The following PLXDC2 variants were observed in gnomAD, a reference collection of about 807,000 sequenced individuals.
PLXDC2 encodes plexin domain containing 2, also known as plexin domain-containing protein 2.
Under a neutral mutation model 68.9 loss-of-function variants are expected in PLXDC2, and 40 were observed. The observed-to-expected ratio is 0.58, with a 90% CI of 0.45 to 0.76. PLXDC2 has a LOEUF of 0.76. PLXDC2 is among the 30% of genes least tolerant of loss of function. The pLI, the probability that PLXDC2 is intolerant of heterozygous loss-of-function variation, is 0.00. For synonymous variants in PLXDC2, 243 were observed against 234.2 expected (o/e 1.04, Z -0.34); for missense variants, 644 against 661.9 (o/e 0.97, Z 0.30).
chr10:19,954,938 A>C (rs1834044235), intron 1 of PLXDC2, among the ~76,000 whole-genome samples: 1 of 152,098 alleles, frequency 6.6e-6, no homozygotes, highest in Admixed American at 6.6e-5. Context: ...CCCTTTTCCT[A>C]AAGCAAATGG....
At chr10:20,202,684 A>G (rs1293882955) in intron 9 of PLXDC2, among the ~76,000 whole-genome samples, 1 of 152,188 alleles carries the variant, frequency 6.6e-6, no homozygotes, top group African/African-American at 2.4e-5. Context: ...TTGCGAGCAA[A>G]TCAGTCAAGT....
chr10:19,919,858 C>T (rs987935467), intron 1 of PLXDC2, among the ~76,000 whole-genome samples: 5 of 152,092 alleles, frequency 3.3e-5, no homozygotes, highest in Non-Finnish European at 7.4e-5. Context: ...AAATGCTAGG[C>T]GAACACTAGG....
In PLXDC2 at chr10:20,054,713, T is replaced by G. The variant is rs567364232; in HGVS notation, c.471+7698T>G. Reference sequence around the variant, plus strand: ...CACCGGGGCCTATTGTGAGGTGGGGTGAGGGGGGAGGGATAGCATTAGGAG... The same window carrying G: ...CACCGGGGCCTATTGTGAGGTGGGGGGAGGGGGGAGGGATAGCATTAGGAG... On this transcript the variant is annotated intron_variant, in intron 3 of 13. Coordinates refer to ENST00000377252, the MANE Select transcript of PLXDC2 (RefSeq NM_032812.9). Among the ~76,000 whole-genome samples the G allele has an allele frequency of 5.3e-5, 8 of 151,240 alleles. No individual in the cohort carries two copies. In the South Asian group the frequency reaches 1.3e-3, roughly 24 times the overall value.
intron 4 of PLXDC2, among the ~76,000 whole-genome samples, chr10:20,125,258 TCTTGA>T (rs1833756770): frequency 6.6e-6 from 1 of 152,074 alleles, no homozygotes. Context: ...GTTGTGGAGA[TCTTGA>T]CTTAACTTAC....
intron 2 of PLXDC2, among the ~76,000 whole-genome samples, chr10:20,044,261 CTTT>C (rs1835754610): frequency 3.5e-5 from 4 of 113,732 alleles, no homozygotes; most frequent in African/African-American, 7.8e-5. Flanking sequence ...TTCTTTCTTT[CTTT>C]CTTTCTTTCT....
intron 1 of PLXDC2, among the ~76,000 whole-genome samples, chr10:19,841,139 A>G (rs1384650627): frequency 1.3e-5 from 2 of 152,164 alleles, no homozygotes; most frequent in African/African-American, 4.8e-5. Context: ...CAAATCTTAC[A>G]TCGTTTTCAA....
At chr10:20,160,745 A>T (rs911063108) in intron 6 of PLXDC2, among the ~76,000 whole-genome samples, 4 of 152,196 alleles carry the variant, frequency 2.6e-5, no homozygotes. Context: ...AAGAGACAGA[A>T]GAATGAAAAA....
intron 1 of PLXDC2, among the ~76,000 whole-genome samples, chr10:19,905,499 A>C (rs1413130168): frequency 6.6e-6 from 1 of 152,214 alleles, no homozygotes; most frequent in Non-Finnish European, 1.5e-5. Context: ...AGGCATTCTG[A>C]GTAAGTGATC....
chr10:19,876,707 A>G (rs1018930441), intron 1 of PLXDC2, among the ~76,000 whole-genome samples: 2 of 151,702 alleles, frequency 1.3e-5, no homozygotes, highest in African/African-American at 4.8e-5. Context: ...GTCTAGTGAT[A>G]GGAACTCTGT....
chr10:20,034,763 G>A (rs190288221), intron 2 of PLXDC2, among the ~76,000 whole-genome samples: 26 of 152,230 alleles, frequency 1.7e-4, no homozygotes, highest in Admixed American at 3.9e-4. Context: ...TATTTTTACC[G>A]TAACTTTTCT....
intron 1 of PLXDC2, among the ~76,000 whole-genome samples, chr10:19,965,282 A>T (rs1165854128): frequency 1.3e-5 from 2 of 152,154 alleles, no homozygotes; most frequent in Non-Finnish European, 2.9e-5. Context: ...GTTTCAAGGC[A>T]GACTGCAAAC....
intron 1 of PLXDC2, among the ~76,000 whole-genome samples, chr10:19,867,354 C>A (rs554683358): frequency 3.3e-5 from 5 of 152,198 alleles, no homozygotes; most frequent in African/African-American, 1.2e-4. Context: ...CATAAGCCAC[C>A]ACTCCTGGCC....
intron 1 of PLXDC2, among the ~76,000 whole-genome samples, chr10:19,838,165 G>T (rs1273260803): frequency 6.6e-6 from 1 of 151,966 alleles, no homozygotes; most frequent in Non-Finnish European, 1.5e-5. Context: ...GTCTTGCTAT[G>T]TTGCCCAGGC....
At chr10:20,140,173 G>A (rs1313693186) in intron 4 of PLXDC2, among the ~76,000 whole-genome samples, 5 of 151,888 alleles carry the variant, frequency 3.3e-5, no homozygotes, top group Admixed American at 2.0e-4. Flanking sequence ...GGTGGAGGGC[G>A]CCTGTAGTCT....
chr10:20,143,736 A>C (rs1834037007), intron 5 of PLXDC2, among the ~76,000 whole-genome samples: 1 of 152,134 alleles, frequency 6.6e-6, no homozygotes, highest in Admixed American at 6.5e-5. Flanking sequence ...AAAAAATGGA[A>C]ATAAGAATAA....
At chr10:19,839,990 A>G (rs1836873799) in intron 1 of PLXDC2, among the ~76,000 whole-genome samples, 1 of 152,206 alleles carries the variant, frequency 6.6e-6, no homozygotes, top group Non-Finnish European at 1.5e-5. Flanking sequence ...AAGGAGGAAT[A>G]ATTGAAGACA....
At chr10:19,981,588 G>C (rs1834550394) in intron 1 of PLXDC2, among the ~76,000 whole-genome samples, 1 of 152,130 alleles carries the variant, frequency 6.6e-6, no homozygotes. Flanking sequence ...AGCTTACTCA[G>C]AACATGGAAG....
intron 4 of PLXDC2, among the ~76,000 whole-genome samples, chr10:20,078,682 T>C (rs1433259874): frequency 6.6e-6 from 1 of 151,776 alleles, no homozygotes; most frequent in African/African-American, 2.4e-5. Flanking sequence ...TTTCCAAGTA[T>C]TCAGTTGAAA....
At chr10:20,245,557 C>T (rs772030731) in intron 13 of PLXDC2, 52 bp downstream of exon 13, 165 of 1,531,054 alleles carry the variant, frequency 1.1e-4, no homozygotes, top group Non-Finnish European at 1.4e-4. Flanking sequence ...GAACTGTATC[C>T]GTTTGCTAAC....
Sources: allele counts gnomAD v4.1 joint callset (sites outside exome capture counted in the v4.1 genomes callset), GRCh38; gene constraint gnomAD v4.1.1; transcripts MANE v1.5; gene names NCBI Gene and HGNC (gene_info 2026-07-23, HGNC 2026-07-21).